The following COLEC10 variants were observed in gnomAD, a reference collection of about 807,000 sequenced individuals.
COLEC10 encodes the protein collectin-10.
A neutral mutation model predicts 28.4 loss-of-function variants in COLEC10; 22 were observed. That is an observed-to-expected ratio of 0.78 (90% CI 0.55 to 1.11). COLEC10 has a LOEUF of 1.11. Ranked by LOEUF, COLEC10 falls within the 50% of genes least tolerant of loss-of-function variation. The pLI is 0.00. For synonymous variants in COLEC10, 125 were observed against 116.1 expected (o/e 1.08, Z -0.49); for missense variants, 361 against 344.1 (o/e 1.05, Z -0.39).
chr8:118,958,145 C>T, the COLEC10 span, among the ~76,000 whole-genome samples: 1 of 152,120 alleles, frequency 6.6e-6, no homozygotes, highest in East Asian at 1.9e-4. Flanking sequence ...GGAATATGAA[C>T]AATGCATAAA....
intron 2 of COLEC10, among the ~76,000 whole-genome samples, chr8:119,014,599 G>A (rs1366332672): frequency 6.7e-6 from 1 of 150,330 alleles, no homozygotes; most frequent in African/African-American, 2.5e-5. Flanking sequence ...TCCTAAATCT[G>A]TAGTTTCATG....
intron 1 of COLEC10, 60 bp from the exon 2 acceptor site, chr8:119,089,620 A>T (rs886975219): frequency 5.2e-5 from 70 of 1,336,382 alleles, no homozygotes; most frequent in Non-Finnish European, 7.2e-5. Flanking sequence ...TTACCCTGGG[A>T]GAATGTGCTC....
intron 2 of COLEC10, among the ~76,000 whole-genome samples, chr8:119,023,719 T>C (rs1814136686): frequency 6.6e-6 from 1 of 152,202 alleles, no homozygotes; most frequent in Non-Finnish European, 1.5e-5. Flanking sequence ...ATTAAATGTT[T>C]CAGCTAAAAA....
rs796282327 is a variant in COLEC10 at position 119,010,507 on chromosome 8, ATTAG to A, written n.235+958_235+961del. ...GTTTTTGTATAGATATACAAACTCT[ATTAG>A]TTAAATATCAAGGAACACAATTACT... On this transcript the variant is annotated intron_variant and non_coding_transcript_variant, in intron 2 of 6. Transcript: ENST00000521788. Among the ~76,000 whole-genome samples the A allele has an allele frequency of 2.1e-3, 312 of 151,160 alleles. 27 individuals are homozygous for A. Among genetic ancestry groups the A allele is most frequent in the African/African-American group, 7.4e-3 (302 of 40,542 alleles).
At chr8:119,049,946 A>G (rs117533354) in intron 2 of COLEC10, among the ~76,000 whole-genome samples, 2,509 of 152,252 alleles carry the variant, frequency 0.016, 29 homozygotes, top group Non-Finnish European at 0.024. Context: ...TATTAGGAGG[A>G]GAGTTAATAT....
chr8:119,101,358 A>T (rs1195808170), intron 3 of COLEC10, among the ~76,000 whole-genome samples: 2 of 152,172 alleles, frequency 1.3e-5, no homozygotes, highest in African/African-American at 4.8e-5. Flanking sequence ...TTGATTCTCA[A>T]GAACCTCAGC....
At chr8:119,071,783 C>T (rs1815130625) in intron 1 of COLEC10, among the ~76,000 whole-genome samples, 1 of 152,118 alleles carries the variant, frequency 6.6e-6, no homozygotes, top group South Asian at 2.1e-4. Flanking sequence ...GTGCTCAATA[C>T]ATATTTTTGA....
the COLEC10 span, among the ~76,000 whole-genome samples, chr8:118,957,742 T>C: frequency 6.6e-6 from 1 of 152,170 alleles, no homozygotes; most frequent in Admixed American, 6.5e-5. Context: ...TTAGAGTACA[T>C]TAAGAATGAA....
chr8:119,063,047 G>A (rs1563731225), upstream of COLEC10: 1 of 152,178 alleles, frequency 6.6e-6, no homozygotes, highest in Non-Finnish European at 1.5e-5. Flanking sequence ...GGTTGTCATT[G>A]TACTGTTATG....
At chr8:119,067,682 G>T in intron 1 of COLEC10, 1 of 143,426 alleles carries the variant, frequency 7.0e-6, no homozygotes, top group Non-Finnish European at 1.5e-5. Context: ...ACCCAGGGCA[G>T]GGGGAAATTC....
intron 1 of COLEC10, chr8:119,067,656 A>C (rs766453262): frequency 1.9e-4 from 81 of 435,680 alleles, no homozygotes; most frequent in Non-Finnish European, 2.6e-4. Context: ...CCCAGGACGG[A>C]GATCTGAGGG....
intron 5 of COLEC10, among the ~76,000 whole-genome samples, chr8:119,105,294 A>G (rs1283165443): frequency 2.0e-5 from 3 of 152,172 alleles, no homozygotes; most frequent in Non-Finnish European, 4.4e-5. Context: ...GAAAGGGGCA[A>G]TGGAAACTCG....
At chr8:119,029,288 T>C (rs576831182) in intron 2 of COLEC10, among the ~76,000 whole-genome samples, 9 of 152,254 alleles carry the variant, frequency 5.9e-5, no homozygotes, top group African/African-American at 1.7e-4. Context: ...TCGTGGATAT[T>C]AGATTATAAA....
chr8:119,061,630 A>G (rs538674413), intron 2 of COLEC10, among the ~76,000 whole-genome samples: 102 of 152,218 alleles, frequency 6.7e-4, no homozygotes, highest in Middle Eastern at 3.4e-3. Context: ...AAAATATCAC[A>G]TAATTTGAAG....
intron 2 of COLEC10, among the ~76,000 whole-genome samples, chr8:119,031,485 C>T (rs1484670370): frequency 6.6e-6 from 1 of 152,180 alleles, no homozygotes; most frequent in Non-Finnish European, 1.5e-5. Flanking sequence ...AGAACCTGGG[C>T]TGAGTCTTGA....
At chr8:119,024,303 G>A (rs16891875) in intron 2 of COLEC10, among the ~76,000 whole-genome samples, 6,684 of 152,154 alleles carry the variant, frequency 0.044, 216 homozygotes, top group East Asian at 0.16. Flanking sequence ...GTGAAAAGTG[G>A]AAGTGGAATA....
intron 2 of COLEC10, among the ~76,000 whole-genome samples, chr8:119,032,658 T>C (rs1177905968): frequency 6.6e-6 from 1 of 152,198 alleles, no homozygotes; most frequent in Non-Finnish European, 1.5e-5. Flanking sequence ...TCCCAGCACG[T>C]TGGGAGGCCC....
the COLEC10 span, among the ~76,000 whole-genome samples, chr8:118,980,887 G>C: frequency 6.6e-6 from 1 of 151,850 alleles, no homozygotes; most frequent in African/African-American, 2.4e-5. Context: ...TTTTGTTTTT[G>C]TTTGCAGGGG....
At chr8:119,068,936 T>G (rs1453947301) in intron 1 of COLEC10, among the ~76,000 whole-genome samples, 2 of 151,750 alleles carry the variant, frequency 1.3e-5, no homozygotes, top group African/African-American at 4.8e-5. Context: ...TTAATAAAAT[T>G]TTATTCTTAA....
Sources: allele counts gnomAD v4.1 joint callset (sites outside exome capture counted in the v4.1 genomes callset), GRCh38; gene constraint gnomAD v4.1.1; transcripts MANE v1.5; gene names NCBI Gene and HGNC (gene_info 2026-07-23, HGNC 2026-07-21).